The following ABCB4 variants were observed in gnomAD, a reference collection of about 807,000 sequenced individuals.
ABCB4 encodes ATP binding cassette subfamily B member 4.
ABCB4 carries 76 observed loss-of-function variants against 145.7 expected under a neutral mutation model. The observed-to-expected ratio is 0.52, with a 90% CI of 0.43 to 0.63. The LOEUF (loss-of-function observed/expected upper bound fraction) is 0.63, where lower values mean the gene tolerates loss of function less well. ABCB4 is among the 30% of genes least tolerant of loss of function. The pLI is 0.00. For synonymous variants in ABCB4, 517 were observed against 566.8 expected, an observed-to-expected ratio of 0.91 and a Z score of 1.25; for missense variants, 1,234 against 1,553.1, an observed-to-expected ratio of 0.79 and a Z score of 3.45.
the ABCB4 span, among the ~76,000 whole-genome samples, chr7:87,395,485 C>T: frequency 5.5e-4 from 84 of 152,266 alleles, no homozygotes; most frequent in African/African-American, 1.8e-3. Flanking sequence ...AAGCATCAGG[C>T]TTTAAGGCAG....
Position 87,451,752 on chromosome 7 carries a change from T to C in ABCB4, c.579A>G (p.Gly193=). ...ACGTGGCTACTGCTTGAAAGAACATTCCAACCTTGTCACCAATTCCTTCAC... is the reference window on the plus strand; with the variant it reads ...ACGTGGCTACTGCTTGAAAGAACATCCCAACCTTGTCACCAATTCCTTCAC... ...KISEGIGDKV[G]MFFQAVATFF... Residue 193 remains glycine, a synonymous_variant, in exon 7 of 28, where the codon GGA becomes GGG. Transcript: ENST00000649586. 1 of 1,614,098 alleles carries C rather than the reference T, an allele frequency of 6.2e-7. No homozygotes were observed. Among genetic ancestry groups the C allele is most frequent in the African/African-American group, 1.3e-5 (1 of 75,034 alleles).
the ABCB4 span, chr7:87,391,686 C>T: frequency 1.2e-4 from 197 of 1,609,858 alleles, 1 homozygote; most frequent in Non-Finnish European, 4.2e-6. Flanking sequence ...GAGGTGGTGC[C>T]AGTCCATGCA....
At chr7:87,413,757 C>T (rs1808785698) in intron 21 of ABCB4, 40 bp from the exon 22 acceptor site, 3 of 1,350,660 alleles carry the variant, frequency 2.2e-6, no homozygotes, top group East Asian at 4.6e-5. Context: ...GTGGTGTTTT[C>T]ACTTCTGAAA....
intron 3 of ABCB4, among the ~76,000 whole-genome samples, chr7:87,469,171 C>T (rs1298843726): frequency 6.6e-6 from 1 of 152,116 alleles, no homozygotes; most frequent in Non-Finnish European, 1.5e-5. Flanking sequence ...CAAAATTCAA[C>T]AGCCATTCAT....
chr7:87,430,134 C>A (rs887430023), intron 15 of ABCB4, among the ~76,000 whole-genome samples: 3 of 151,976 alleles, frequency 2.0e-5, no homozygotes, highest in South Asian at 4.2e-4. Context: ...TTTTGACAAC[C>A]TTTTTTGATC....
At chr7:87,396,974 T>C (rs1807547188), downstream of ABCB4, among the ~76,000 whole-genome samples, 1 of 152,224 alleles carries the variant, frequency 6.6e-6, no homozygotes, top group Admixed American at 6.5e-5. Flanking sequence ...TCTACTATTT[T>C]GTTTTTCCAT....
chr7:87,449,439 T>A (rs1009943707), intron 8 of ABCB4, among the ~76,000 whole-genome samples: 1 of 152,010 alleles, frequency 6.6e-6, no homozygotes, highest in Non-Finnish European at 1.5e-5. Flanking sequence ...TATTTTTTGG[T>A]TTTTAAAAAA....
At chr7:87,386,035 A>T in the ABCB4 span, among the ~76,000 whole-genome samples, 4 of 152,150 alleles carry the variant, frequency 2.6e-5, no homozygotes, top group Non-Finnish European at 5.9e-5. Flanking sequence ...ATGGTGAGTG[A>T]TCTTTTTAAT....
At chr7:87,375,733 T>C in the ABCB4 span, 1 of 1,613,066 alleles carries the variant, frequency 6.2e-7, no homozygotes, top group Admixed American at 1.7e-5. Flanking sequence ...AAGGTTCTGA[T>C]TTACACTTTT....
In ABCB4 at chr7:87,472,640, A is replaced by G; in HGVS notation, c.116T>C (p.Met39Thr). ...QKRKKTKTVK[M>T]IGVLTLFRYS... is the part of the protein sequence containing the mutation. ...GCTTACCAATGTTAATACTCCAATC[A>G]TTTTCACTGTCTTCGTTTTTTTCCT... Residue 39 changes from methionine to threonine, a missense_variant, in exon 3 of 28, where the codon ATG (methionine) becomes ACG (threonine). Physicochemically the swap from Met to Thr is moderately conservative, Grantham distance 81 (BLOSUM62 -1). Transcript: ENST00000649586. 3 of 1,609,582 alleles carry G rather than the reference A, an allele frequency of 1.9e-6. No homozygotes were observed. The highest frequency in any genetic ancestry group is 2.2e-5 in the South Asian group (2 of 90,898).
chr7:87,408,286 A>G lies in ABCB4; in HGVS notation c.3082-52T>C, dbSNP rs760137938. On this transcript the variant is annotated intron_variant, in intron 24 of 27. Coordinates refer to ENST00000649586, the MANE Select transcript of ABCB4 (RefSeq NM_000443.4). ...TATAATTGGCCTGATAATTATTGGA[A>G]TAAGAAATATTATTTCAAGGAAACT... 2.0e-6 allele frequency: 3 copies of G among 1,532,540 alleles called. No individual in the cohort carries two copies. The East Asian group carries it at 7.0e-5, about 36-fold the overall frequency. 94.9% of individuals were successfully genotyped at this position (1,532,540 alleles called of 1,614,324 possible). A position where few individuals can be genotyped will look rare whatever the true frequency, so the allele number is the denominator to read the frequency against.
the ABCB4 span, among the ~76,000 whole-genome samples, chr7:87,371,615 G>A: frequency 2.6e-5 from 4 of 152,108 alleles, no homozygotes; most frequent in Non-Finnish European, 5.9e-5. Context: ...CATCCACAGT[G>A]GCATTGTTTT....
chr7:87,475,514 G>C (rs370942845), intron 1 of ABCB4, 43 bp from the exon 2 acceptor site: 3 of 1,602,020 alleles, frequency 1.9e-6, no homozygotes, highest in East Asian at 4.5e-5. Flanking sequence ...CACCCTCTCC[G>C]GCGGCCCGGC....
chr7:87,375,055 GA>G, the ABCB4 span, among the ~76,000 whole-genome samples: 1 of 152,012 alleles, frequency 6.6e-6, no homozygotes, highest in Non-Finnish European at 1.5e-5. Context: ...AAATACTGTG[GA>G]GGGGGAGTAG....
chr7:87,379,640 C>T, the ABCB4 span, among the ~76,000 whole-genome samples: 1 of 152,178 alleles, frequency 6.6e-6, no homozygotes, highest in Non-Finnish European at 1.5e-5. Flanking sequence ...CATAACTGAA[C>T]TGCTTTTTTA....
intron 3 of ABCB4, among the ~76,000 whole-genome samples, chr7:87,470,275 A>C (rs1460001488): frequency 6.6e-6 from 1 of 152,206 alleles, no homozygotes. Flanking sequence ...CCTAGAAGAA[A>C]ACCTAGGCAA....
At chr7:87,407,049 C>A (rs1224408292) in intron 25 of ABCB4, among the ~76,000 whole-genome samples, 3 of 152,288 alleles carry the variant, frequency 2.0e-5, no homozygotes, top group Middle Eastern at 3.4e-3. Context: ...TTACAAAGGG[C>A]AGTGTCTTTG....
chr7:87,453,980 G>C (rs1205361085), intron 5 of ABCB4, among the ~76,000 whole-genome samples: 1 of 152,046 alleles, frequency 6.6e-6, no homozygotes, highest in Non-Finnish European at 1.5e-5. Context: ...GAATTCAAAC[G>C]AATTTGGAAT....
Position 87,433,669 on chromosome 7 carries a change from G to GTTTTTTTTTTTTTTTTTTTTTTTTTTT in ABCB4, c.1732-2105_1732-2104insAAAAAAAAAAAAAAAAAAAAAAAAAAA, listed in dbSNP as rs752621529. 1.6e-5 allele frequency among the ~76,000 whole-genome samples: 2 copies of GTTTTTTTTTTTTTTTTTTTTTTTTTTT among 124,052 alleles called. 1 individual carries two copies. Among genetic ancestry groups the GTTTTTTTTTTTTTTTTTTTTTTTTTTT allele is most frequent in the Non-Finnish European group, 3.2e-5 (2 of 63,000 alleles). The allele number at this position is 124,052 out of a possible 152,430, so 81.4% of individuals were successfully genotyped here. A position where few individuals can be genotyped will look rare whatever the true frequency, so the allele number is the denominator to read the frequency against. On this transcript the variant is annotated intron_variant, in intron 14 of 27. Coordinates refer to ENST00000649586, the MANE Select transcript of ABCB4 (RefSeq NM_000443.4). ...AAGTAGAGCTTTGACACAAAAAATTGTTGTTGTTTTTTTTTTTTTTTTTTT... is the reference window on the plus strand; with the variant it reads ...AAGTAGAGCTTTGACACAAAAAATTGTTTTTTTTTTTTTTTTTTTTTTTTTTTTTGTTGTTTTTTTTTTTTTTTTTTT...
Sources: allele counts gnomAD v4.1 joint callset (sites outside exome capture counted in the v4.1 genomes callset), GRCh38; gene constraint gnomAD v4.1.1; transcripts MANE v1.5; gene names NCBI Gene and HGNC (gene_info 2026-07-23, HGNC 2026-07-21).